ERI3: variants seen among roughly 807,000 people sequenced by gnomAD.
ERI3 encodes the protein ERI1 exoribonuclease 3.
Under a neutral mutation model 44.4 loss-of-function variants are expected in ERI3, and 18 were observed. The observed-to-expected ratio is 0.41, with a 90% CI of 0.28 to 0.60. ERI3 has a LOEUF of 0.60. Ranked by LOEUF, ERI3 falls within the 20% of genes least tolerant of loss-of-function variation. ERI3 has a pLI of 0.36. For synonymous variants in ERI3, 183 were observed against 164.8 expected (o/e 1.11, Z -0.84); for missense variants, 294 against 435.5 (o/e 0.68, Z 2.89).
At chr1:44,309,808 C>T (rs1307106432) in intron 5 of ERI3, among the ~76,000 whole-genome samples, 1 of 150,932 alleles carries the variant, frequency 6.6e-6, no homozygotes, top group African/African-American at 2.4e-5. Flanking sequence ...CATGATCTGC[C>T]CGCCTCGGCC....
At chr1:44,307,808 T>C (rs1379211101) in intron 6 of ERI3, among the ~76,000 whole-genome samples, 5 of 152,200 alleles carry the variant, frequency 3.3e-5, no homozygotes, top group Non-Finnish European at 7.3e-5. Flanking sequence ...CATAGTATAA[T>C]AGTTAAGAGC....
At chr1:44,269,131 T>C (rs1645043012) in intron 7 of ERI3, among the ~76,000 whole-genome samples, 1 of 152,198 alleles carries the variant, frequency 6.6e-6, no homozygotes, top group Non-Finnish European at 1.5e-5. Flanking sequence ...CTGTCTTCCT[T>C]GCATCTGTCT....
At chr1:44,260,461 T>C (rs1353185408) in intron 7 of ERI3, among the ~76,000 whole-genome samples, 1 of 152,164 alleles carries the variant, frequency 6.6e-6, no homozygotes, top group South Asian at 2.1e-4. Context: ...CAAGTAGCAG[T>C]GAACCTAAGC....
rs1035845944 is a variant in ERI3 at position 44,221,754 on chromosome 1, TTAG to T, written c.932-117_932-115del. On this transcript the variant is annotated intron_variant, in intron 8 of 8. Coordinates refer to ENST00000372257, the MANE Select transcript of ERI3 (RefSeq NM_024066.3). The surrounding 1 kb of genome is among the most constrained non-coding windows in gnomAD (Gnocchi z 5.9). ...GGGTCAGATTCAGGAGACACAGGCT[TTAG>T]AGAGGGTGGTCCCATCCCCTGGTGG... The T allele has an allele frequency of 4.6e-5, 37 of 809,028 alleles. No homozygotes were observed. Among genetic ancestry groups the T allele is most frequent in the Non-Finnish European group, 7.3e-5 (35 of 482,596 alleles). The allele number at this position is 809,028 out of a possible 1,614,324, so 50.1% of individuals were successfully genotyped here. A position where few individuals can be genotyped will look rare whatever the true frequency, so the allele number is the denominator to read the frequency against.
intron 3 of ERI3, among the ~76,000 whole-genome samples, chr1:44,321,459 C>T (rs1480820896): frequency 2.6e-5 from 4 of 152,162 alleles, no homozygotes; most frequent in Non-Finnish European, 5.9e-5. Context: ...ATTCCCTGGA[C>T]CTTCTGTTCC....
chr1:44,341,163 G>A (rs1646645285), intron 2 of ERI3, among the ~76,000 whole-genome samples: 1 of 152,152 alleles, frequency 6.6e-6, no homozygotes. Flanking sequence ...GAGTAAGGAG[G>A]GCTTCCAAGT....
chr1:44,305,003 C>T (rs1249362652), intron 6 of ERI3, among the ~76,000 whole-genome samples: 1 of 152,194 alleles, frequency 6.6e-6, no homozygotes. Context: ...TCTGAGCAGG[C>T]CCCTGGCCCC....
intron 7 of ERI3, among the ~76,000 whole-genome samples, chr1:44,259,996 G>A (rs1217674829): frequency 6.6e-6 from 1 of 152,024 alleles, no homozygotes; most frequent in Non-Finnish European, 1.5e-5. Flanking sequence ...AGGGTAGCCA[G>A]GCCTGGGAAA....
intron 7 of ERI3, among the ~76,000 whole-genome samples, chr1:44,278,297 C>T (rs1233020254): frequency 2.0e-5 from 3 of 151,842 alleles, no homozygotes; most frequent in East Asian, 1.9e-4. Flanking sequence ...AACAACATGG[C>T]GAAACTCTAT....
intron 6 of ERI3, among the ~76,000 whole-genome samples, chr1:44,299,744 T>C (rs986507909): frequency 1.3e-5 from 2 of 151,674 alleles, no homozygotes; most frequent in African/African-American, 4.8e-5. Flanking sequence ...ACCTAGGAGG[T>C]TGTGGCCTGG....
chr1:44,251,467 C>A (rs181152066), intron 7 of ERI3, among the ~76,000 whole-genome samples: 2 of 152,192 alleles, frequency 1.3e-5, no homozygotes, highest in Non-Finnish European at 2.9e-5. Context: ...TCAGAGATTC[C>A]GGCTGAGGAG....
intron 2 of ERI3, among the ~76,000 whole-genome samples, chr1:44,352,417 G>C (rs1283470693): frequency 4.5e-5 from 1 of 22,194 alleles, no homozygotes; most frequent in Non-Finnish European, 1.4e-4. Context: ...TAGATAGATA[G>C]ATAGATAGAT....
chr1:44,326,817 T>C (rs1646325651), intron 3 of ERI3, among the ~76,000 whole-genome samples: 1 of 152,208 alleles, frequency 6.6e-6, no homozygotes, highest in East Asian at 1.9e-4. Context: ...AATTAAAATA[T>C]AGAAAAGAGG....
chr1:44,227,939 G>T (rs938150043), intron 8 of ERI3, among the ~76,000 whole-genome samples: 2 of 152,184 alleles, frequency 1.3e-5, no homozygotes, highest in Admixed American at 6.5e-5. Context: ...AGTTATTTGT[G>T]AAGTGCTTAA....
chr1:44,297,633 G>GCTGTCTCCGCATGTGAC (rs1645637652), intron 6 of ERI3, among the ~76,000 whole-genome samples: 2 of 152,182 alleles, frequency 1.3e-5, no homozygotes. Flanking sequence ...CACTTATGGA[G>GCTGTCTCCGCATGTGAC]CTGTCTCCGC....
intron 8 of ERI3, among the ~76,000 whole-genome samples, chr1:44,227,044 G>C (rs1644062109): frequency 6.6e-6 from 1 of 152,082 alleles, no homozygotes; most frequent in Admixed American, 6.6e-5. Context: ...GTTGGAGGCA[G>C]GAGTGAATGT....
intron 3 of ERI3, among the ~76,000 whole-genome samples, chr1:44,335,523 G>T (rs1260005513): frequency 6.6e-6 from 1 of 152,072 alleles, no homozygotes; most frequent in Non-Finnish European, 1.5e-5. Flanking sequence ...ACTTTGGGAG[G>T]CTGAGGCGGG....
At chr1:44,259,697 C>G (rs941155886) in intron 7 of ERI3, among the ~76,000 whole-genome samples, 45 of 149,018 alleles carry the variant, frequency 3.0e-4, no homozygotes, top group African/African-American at 1.1e-3. Flanking sequence ...CAGACACACA[C>G]ACACACACAC....
intron 3 of ERI3, among the ~76,000 whole-genome samples, chr1:44,333,642 G>A (rs1395995496): frequency 2.0e-5 from 3 of 152,200 alleles, no homozygotes; most frequent in Non-Finnish European, 4.4e-5. Flanking sequence ...TTTCAGCCTC[G>A]AACGAAGGAG....
Sources: allele counts gnomAD v4.1 joint callset (sites outside exome capture counted in the v4.1 genomes callset), GRCh38; gene constraint gnomAD v4.1.1; non-coding constraint Gnocchi (gnomAD v3.1); transcripts MANE v1.5; gene names NCBI Gene and HGNC (gene_info 2026-07-23, HGNC 2026-07-21).